BTBD8: variants seen among roughly 807,000 people sequenced by gnomAD.
The protein encoded by BTBD8 is BTB domain containing 8.
BTBD8 carries 110 observed loss-of-function variants against 162.9 expected under a neutral mutation model. The ratio of observed to expected loss-of-function variants is 0.68; its 90% CI spans 0.58 to 0.79. The LOEUF (loss-of-function observed/expected upper bound fraction) is 0.79, where lower values mean the gene tolerates loss of function less well. Among genes scored for constraint, BTBD8 ranks in the 30% least tolerant of loss-of-function variants. The pLI is 0.00. For synonymous variants in BTBD8, 667 were observed against 716.1 expected (o/e 0.93, Z 1.10); for missense variants, 1,905 against 2,085.4 (o/e 0.91, Z 1.68).
intron 4 of BTBD8, among the ~76,000 whole-genome samples, chr1:92,112,366 G>T (rs1349260646): frequency 1.3e-5 from 2 of 152,092 alleles, no homozygotes; most frequent in Non-Finnish European, 2.9e-5. Flanking sequence ...GAGTGCCATT[G>T]CATTCCAGCC....
rs1647967161 is a variant in BTBD8, at chr1:92,080,462, C to T, written c.-110C>T. On this transcript the variant is annotated 5_prime_UTR_variant, in exon 1 of 18. Transcript: ENST00000636805. Reference sequence around the variant, plus strand: ...GGCGTCAACCTTTTACCCTAGGGGGCGGATTTGGGTAGGAGCCGAGCGTTC... The same window carrying T: ...GGCGTCAACCTTTTACCCTAGGGGGTGGATTTGGGTAGGAGCCGAGCGTTC... 9 of 1,484,380 alleles carry T rather than the reference C, an allele frequency of 6.1e-6. No individual in the cohort carries two copies. In the South Asian group the frequency reaches 1.1e-4, roughly 18 times the overall value. 92.0% of individuals were successfully genotyped at this position (1,484,380 alleles called of 1,614,324 possible).
chr1:92,086,355 C>T (rs1048077199), intron 1 of BTBD8, among the ~76,000 whole-genome samples: 2 of 152,180 alleles, frequency 1.3e-5, no homozygotes, highest in African/African-American at 2.4e-5. Context: ...AAATCTTTTA[C>T]ATTATGTCAG....
At position 92,177,003 on chromosome 1, in the gene BTBD8, C is replaced by A; in HGVS notation, c.1810C>A (p.Gln604Lys). Reference protein sequence around the residue: ...NRNSINKTLKQDDVKEKDGTK... With the variant: ...NRNSINKTLKKDDVKEKDGTK... Reference sequence around the variant, plus strand: ...AAATAGTATAAATAAAACTCTGAAGCAAGATGATGTAAAGGAAAAAGATGG... The same window carrying A: ...AAATAGTATAAATAAAACTCTGAAGAAAGATGATGTAAAGGAAAAAGATGG... The change falls in exon 14 of 18, where the codon CAA becomes AAA. Residue 604 changes from glutamine (Q) to lysine (K), a missense_variant. Around this residue, in one of 3 missense-constraint regions of BTBD8, gnomAD observed 1,374 missense variants for 1,442.7 expected, o/e 0.95. Transcript: ENST00000636805. The A allele has an allele frequency of 6.5e-7, 1 of 1,547,430 alleles. No individual in the cohort carries two copies. The highest frequency in any genetic ancestry group is 8.7e-7 in the Non-Finnish European group (1 of 1,145,434).
chr1:92,127,776 G>A (rs780472129), intron 4 of BTBD8, among the ~76,000 whole-genome samples: 2 of 152,140 alleles, frequency 1.3e-5, no homozygotes, highest in Non-Finnish European at 2.9e-5. Flanking sequence ...GGCCAGGCTA[G>A]TCATGAACTG....
chr1:92,095,624 G>A, intron 2 of BTBD8, among the ~76,000 whole-genome samples: 1 of 152,136 alleles, frequency 6.6e-6, no homozygotes, highest in Non-Finnish European at 1.5e-5. Flanking sequence ...GTCATCAGCA[G>A]ACTGCCAGTT....
intron 4 of BTBD8, among the ~76,000 whole-genome samples, chr1:92,120,517 A>G (rs892925513): frequency 6.6e-6 from 1 of 152,072 alleles, no homozygotes; most frequent in Non-Finnish European, 1.5e-5. Flanking sequence ...TAAGCCAGTA[A>G]CGTAGTTGTT....
At chr1:92,155,036 A>G (rs931948671) in intron 9 of BTBD8, among the ~76,000 whole-genome samples, 1 of 152,146 alleles carries the variant, frequency 6.6e-6, no homozygotes, top group Non-Finnish European at 1.5e-5. Context: ...CCCATTGTGT[A>G]TTCTTGGCAC....
chr1:92,127,570 T>C (rs1649392522), intron 4 of BTBD8, among the ~76,000 whole-genome samples: 1 of 151,922 alleles, frequency 6.6e-6, no homozygotes, highest in African/African-American at 2.4e-5. Context: ...GTTTGTTTGT[T>C]TGTTTGTTTG....
intron 8 of BTBD8, 24 bp from the exon 9 acceptor site, chr1:92,147,660 C>T (rs764202307): frequency 1.9e-5 from 30 of 1,543,506 alleles, no homozygotes; most frequent in South Asian, 7.0e-5. Flanking sequence ...ATTTCTTTAA[C>T]GTGGTATTCT....
chr1:92,168,133 G>A, intron 11 of BTBD8, 148 bp downstream of exon 11: 1 of 555,816 alleles, frequency 1.8e-6, no homozygotes, highest in Non-Finnish European at 2.8e-6. Context: ...GTATATGTTT[G>A]GAATTTTTTA....
At chr1:92,132,878 TC>T (rs1363526258) in intron 5 of BTBD8, among the ~76,000 whole-genome samples, 3 of 152,166 alleles carry the variant, frequency 2.0e-5, no homozygotes, top group Admixed American at 6.5e-5. Flanking sequence ...AAAGCAAGGT[TC>T]TGTAACACTA....
chr1:92,097,458 C>T lies in BTBD8; in HGVS notation c.348-5015C>T, dbSNP rs565310960. ...TGAGTCAGTGGTTTTAATATATTCA[C>T]AATGTTGTGCCACCAACATCACTAA... On this transcript the variant is annotated intron_variant, in intron 2 of 17. Transcript: ENST00000636805. Among the ~76,000 whole-genome samples, 5 of 152,242 alleles carry T rather than the reference C, an allele frequency of 3.3e-5. No homozygotes were observed. In the South Asian group the frequency reaches 1.0e-3, roughly 32 times the overall value.
chr1:92,183,940 A>T lies in BTBD8; in HGVS notation c.4989A>T (p.Ile1663=), dbSNP rs1242064851. 1 of 1,551,690 alleles carries T rather than the reference A, an allele frequency of 6.4e-7. No individual in the cohort carries two copies. The highest frequency in any genetic ancestry group is 2.4e-5 in the East Asian group (1 of 40,916). The part of the protein sequence containing the change: ...DHRPSKTLSP[I]YEMDVIEAFE... ...GGCCTTCAAAAACCCTGTCTCCAAT[A>T]TATGAGATGGATGTAATAGAAGCAT... The change falls in exon 18 of 18, where the codon ATA becomes ATT. Residue 1663 remains isoleucine, a synonymous_variant. Coordinates refer to ENST00000636805, the MANE Select transcript of BTBD8 (RefSeq NM_001376131.1).
chr1:92,098,149 T>C (rs1424228664), intron 2 of BTBD8, among the ~76,000 whole-genome samples: 1 of 152,184 alleles, frequency 6.6e-6, no homozygotes, highest in Non-Finnish European at 1.5e-5. Flanking sequence ...AGTTTAGACA[T>C]AGTGAGCCAC....
intron 12 of BTBD8, among the ~76,000 whole-genome samples, chr1:92,169,450 A>G (rs533973292): frequency 2.8e-4 from 42 of 152,286 alleles, no homozygotes; most frequent in African/African-American, 7.7e-4. Context: ...GATTGGTTCA[A>G]TGATGTGGAG....
chr1:92,165,133 A>AAT (rs1650357093), intron 9 of BTBD8, among the ~76,000 whole-genome samples: 1 of 152,048 alleles, frequency 6.6e-6, no homozygotes, highest in African/African-American at 2.4e-5. Context: ...AAAAAAAAAA[A>AAT]AAGAATTATT....
In BTBD8 at chr1:92,107,964, G is replaced by A. The variant is rs754915147; in HGVS notation, c.625G>A (p.Asp209Asn). The part of the protein sequence containing the change: ...LYVKPCCPDI[D>N]IFVDGKRFKA... ...TGTGAAACCTTGTTGCCCAGATATTGATATTTTTGTTGATGGAAAACGTTT... is the reference window on the plus strand; with the variant it reads ...TGTGAAACCTTGTTGCCCAGATATTAATATTTTTGTTGATGGAAAACGTTT... Residue 209 changes from aspartate (D) to asparagine (N), a missense_variant, in exon 4 of 18, where the codon GAT becomes AAT. By Grantham distance (23) the Asp-to-Asn change is conservative (BLOSUM62 1). Transcript: ENST00000636805. The A allele has an allele frequency of 6.2e-7, 1 of 1,614,028 alleles. No individual in the cohort carries two copies. Among genetic ancestry groups the A allele is most frequent in the South Asian group, 1.1e-5 (1 of 91,082 alleles).
rs754095546 is a variant in BTBD8, at chr1:92,080,439, C to G, written c.-133C>G. 5.4e-6 allele frequency: 7 copies of G among 1,304,748 alleles called. No homozygotes were observed. The South Asian group carries it at 9.1e-5, about 17-fold the overall frequency. The allele number at this position is 1,304,748 out of a possible 1,614,324, so 80.8% of individuals were successfully genotyped here. On this transcript the variant is annotated 5_prime_UTR_variant, in exon 1 of 18. Coordinates refer to ENST00000636805, the MANE Select transcript of BTBD8 (RefSeq NM_001376131.1). ...AGACTGTCTACAAACCGACGAGAGG[C>G]GTCAACCTTTTACCCTAGGGGGCGG...
chr1:92,170,727 C>G (rs1650514069), intron 12 of BTBD8, among the ~76,000 whole-genome samples: 1 of 152,010 alleles, frequency 6.6e-6, no homozygotes, highest in Admixed American at 6.6e-5. Flanking sequence ...ATTTGTAGCT[C>G]TCATATAATT....
Sources: gnomAD v4.1 joint callset for allele counts (sites outside exome capture counted in the v4.1 genomes callset) on GRCh38, gnomAD v4.1.1 for gene constraint, gnomAD v4.1.1 regional missense constraint, MANE v1.5 for transcripts, NCBI Gene and HGNC (gene_info 2026-07-23, HGNC 2026-07-21) for gene names.